MVB12B: variants seen among roughly 807,000 people sequenced by gnomAD.
MVB12B encodes the protein ESCRT-I complex subunit MVB12B.
In MVB12B, 16 loss-of-function variants were observed where a neutral mutation model predicts 41.6. The observed-to-expected ratio is 0.38, with a 90% CI of 0.26 to 0.58. The LOEUF (loss-of-function observed/expected upper bound fraction) is 0.58. Among genes scored for constraint, MVB12B ranks in the 20% least tolerant of loss-of-function variants. The pLI, the probability that MVB12B is intolerant of heterozygous loss-of-function variation, is 0.62. For missense variants in MVB12B, 274 were observed against 380.2 expected (o/e 0.72, Z 2.32); for synonymous variants, 133 against 139.7 (o/e 0.95, Z 0.34).
At chr9:126,348,680 T>C (rs900883238) in intron 2 of MVB12B, among the ~76,000 whole-genome samples, 13 of 152,338 alleles carry the variant, frequency 8.5e-5, no homozygotes, top group African/African-American at 3.1e-4. Flanking sequence ...AAACGTCAAT[T>C]AATTGGATGG....
intron 9 of MVB12B, among the ~76,000 whole-genome samples, chr9:126,490,551 C>T (rs1281827204): frequency 6.6e-6 from 1 of 152,170 alleles, no homozygotes; most frequent in Admixed American, 6.5e-5. Context: ...ATCAAAACCG[C>T]GGCGGAGGAA....
intron 7 of MVB12B, among the ~76,000 whole-genome samples, chr9:126,438,860 A>C (rs1399622871): frequency 6.6e-6 from 1 of 152,192 alleles, no homozygotes; most frequent in Non-Finnish European, 1.5e-5. Flanking sequence ...ATTAAGTCTT[A>C]TCAGGACTTG....
intron 2 of MVB12B, among the ~76,000 whole-genome samples, chr9:126,355,705 C>A (rs995860146): frequency 1.2e-4 from 18 of 152,200 alleles, no homozygotes; most frequent in African/African-American, 4.3e-4. Context: ...TTAACCTATT[C>A]TTCTACAATA....
At chr9:126,458,618 C>G (rs1163079847) in intron 7 of MVB12B, among the ~76,000 whole-genome samples, 2 of 152,216 alleles carry the variant, frequency 1.3e-5, no homozygotes, top group South Asian at 2.1e-4. Flanking sequence ...CCCCCTCATT[C>G]CAGCCTGCAG....
At chr9:126,352,240 A>G (rs1025706336) in intron 2 of MVB12B, among the ~76,000 whole-genome samples, 1 of 152,172 alleles carries the variant, frequency 6.6e-6, no homozygotes, top group African/African-American at 2.4e-5. Flanking sequence ...TACTAGATTC[A>G]TAAAATGAAT....
chr9:126,375,246 C>A (rs1157267714), intron 2 of MVB12B, among the ~76,000 whole-genome samples: 1 of 151,582 alleles, frequency 6.6e-6, no homozygotes, highest in Non-Finnish European at 1.5e-5. Context: ...CTCATACAAC[C>A]TTTTATTTTT....
chr9:126,405,706 A>G (rs1831400356), intron 6 of MVB12B, among the ~76,000 whole-genome samples: 1 of 148,024 alleles, frequency 6.8e-6, no homozygotes, highest in East Asian at 2.0e-4. Context: ...CTTTGCTTGC[A>G]GTTACTTTTA....
intron 7 of MVB12B, among the ~76,000 whole-genome samples, chr9:126,475,985 A>T (rs1184167791): frequency 8.4e-6 from 1 of 118,822 alleles, no homozygotes; most frequent in African/African-American, 2.7e-5. Context: ...ACTTGACCAG[A>T]CAGCTCCTCC....
At chr9:126,417,173 T>G (rs890570096) in intron 6 of MVB12B, among the ~76,000 whole-genome samples, 4 of 152,238 alleles carry the variant, frequency 2.6e-5, no homozygotes, top group African/African-American at 9.6e-5. Context: ...CAGGGGGCCT[T>G]CTCACCTGCT....
At chr9:126,435,919 C>T (rs1297962587) in intron 7 of MVB12B, among the ~76,000 whole-genome samples, 3 of 152,248 alleles carry the variant, frequency 2.0e-5, no homozygotes, top group Non-Finnish European at 4.4e-5. Flanking sequence ...CTTGTTTCTT[C>T]AGGCTACATT....
At chr9:126,349,141 G>T (rs1448332000) in intron 2 of MVB12B, among the ~76,000 whole-genome samples, 1 of 152,158 alleles carries the variant, frequency 6.6e-6, no homozygotes, top group African/African-American at 2.4e-5. Context: ...GTCAAGCAGG[G>T]TGAGCACAGT....
Position 126,376,150 on chromosome 9 carries a change from A to C in MVB12B, c.205-4914A>C, listed in dbSNP as rs1238973119. Reference sequence around the variant, plus strand: ...ATCTCTGTACTTTACCTTCTGGAAGATTTCCTCAGCTTTCTCTTCCAGTGT... The same window carrying C: ...ATCTCTGTACTTTACCTTCTGGAAGCTTTCCTCAGCTTTCTCTTCCAGTGT... On this transcript the variant is annotated intron_variant, in intron 2 of 9. Coordinates refer to ENST00000361171, the MANE Select transcript of MVB12B (RefSeq NM_033446.3). This position sits in a 1 kb window ranked among gnomAD's most constrained non-coding sequence, Gnocchi z 4.1. 5.3e-5 allele frequency among the ~76,000 whole-genome samples: 8 copies of C among 151,880 alleles called. No individual in the cohort carries two copies. The highest frequency in any genetic ancestry group is 9.7e-5 in the African/African-American group (4 of 41,288).
chr9:126,453,660 G>A (rs1431067442), intron 7 of MVB12B, among the ~76,000 whole-genome samples: 1 of 152,146 alleles, frequency 6.6e-6, no homozygotes, highest in Non-Finnish European at 1.5e-5. Flanking sequence ...TGCATAACTC[G>A]TACATGGACA....
At chr9:126,485,889 G>A (rs563707989) in intron 9 of MVB12B, among the ~76,000 whole-genome samples, 3 of 152,144 alleles carry the variant, frequency 2.0e-5, no homozygotes, top group Non-Finnish European at 4.4e-5. Flanking sequence ...TAGAGCGGGT[G>A]GTTAAGCAGT....
intron 1 of MVB12B, among the ~76,000 whole-genome samples, chr9:126,330,304 TACACAC>T (rs142849542): frequency 6.7e-6 from 1 of 148,190 alleles, no homozygotes; most frequent in African/African-American, 2.5e-5. Flanking sequence ...TTTCTTTCTT[TACACAC>T]ACACACACAC....
chr9:126,388,550 C>T (rs1368318596), intron 4 of MVB12B, among the ~76,000 whole-genome samples: 1 of 152,120 alleles, frequency 6.6e-6, no homozygotes, highest in Non-Finnish European at 1.5e-5. Flanking sequence ...TGGGTATCTA[C>T]CTAGTCATGG....
intron 6 of MVB12B, among the ~76,000 whole-genome samples, chr9:126,406,323 C>A (rs1386181014): frequency 6.6e-6 from 1 of 152,224 alleles, no homozygotes; most frequent in Non-Finnish European, 1.5e-5. Flanking sequence ...CCTCTTCAGT[C>A]ATGGCTGTAT....
At chr9:126,476,851 T>C (rs931634023) in intron 7 of MVB12B, among the ~76,000 whole-genome samples, 1 of 123,536 alleles carries the variant, frequency 8.1e-6, no homozygotes, top group African/African-American at 3.2e-5. Context: ...CACTCCAGCC[T>C]GGGAGACAGA....
intron 6 of MVB12B, chr9:126,396,983 T>A (rs1349950626): frequency 1.0e-6 from 1 of 985,456 alleles, no homozygotes; most frequent in Non-Finnish European, 1.2e-6. Flanking sequence ...TGAGGGTCAC[T>A]GTCTCCTGTG....
Sources: allele counts gnomAD v4.1 joint callset (sites outside exome capture counted in the v4.1 genomes callset), GRCh38; gene constraint gnomAD v4.1.1; non-coding constraint Gnocchi (gnomAD v3.1); transcripts MANE v1.5; gene names NCBI Gene and HGNC (gene_info 2026-07-23, HGNC 2026-07-21).